The following PCDHGB5 variants were observed in gnomAD, a reference collection of about 807,000 sequenced individuals.
The protein encoded by PCDHGB5 is protocadherin gamma-B5.
PCDHGB5 carries 48 observed loss-of-function variants against 62.9 expected under a neutral mutation model. The observed-to-expected ratio is 0.76, with a 90% CI of 0.61 to 0.97. PCDHGB5 has a LOEUF of 0.97. Ranked by LOEUF, PCDHGB5 falls within the 50% of genes least tolerant of loss-of-function variation. The pLI is 0.00. For synonymous variants in PCDHGB5, 474 were observed against 511.2 expected (o/e 0.93, Z 0.98); for missense variants, 1,118 against 1,198.6 (o/e 0.93, Z 0.99).
At chr5:141,433,866 T>C (rs1191114798) in intron 1 of PCDHGB5, among the ~76,000 whole-genome samples, 1 of 151,870 alleles carries the variant, frequency 6.6e-6, no homozygotes, top group African/African-American at 2.4e-5. Context: ...CTTTATCCTC[T>C]AGTTTCATCC....
At position 141,432,299 on chromosome 5, in the gene PCDHGB5, C is replaced by G; in HGVS notation, c.2397+31775C>G. ...GTCCATCAACTCCGACACTGGGGTA[C>G]TGTATGCGCTGAGCTCCTTCGACTA... is the stretch of plus-strand genomic sequence containing the variant. On this transcript the variant is annotated intron_variant, in intron 1 of 3. Transcript: ENST00000617380. This position sits in a 1 kb window ranked among gnomAD's most constrained non-coding sequence, Gnocchi z 6.0. The G allele has an allele frequency of 2.5e-6, 4 of 1,614,278 alleles. No homozygotes were observed. The highest frequency in any genetic ancestry group is 3.4e-6 in the Non-Finnish European group (4 of 1,180,056).
chr5:141,498,230 C>T (rs2099782452), intron 2 of PCDHGB5, among the ~76,000 whole-genome samples: 1 of 152,200 alleles, frequency 6.6e-6, no homozygotes, highest in African/African-American at 2.4e-5. Flanking sequence ...GATGGTCAGG[C>T]ATACCAGCTT....
intron 1 of PCDHGB5, chr5:141,427,261 C>A (rs903526432): frequency 1.5e-5 from 7 of 456,556 alleles, no homozygotes; most frequent in African/African-American, 4.0e-5. Flanking sequence ...GGAGGCATGA[C>A]CAGCGAATGT....
intron 1 of PCDHGB5, among the ~76,000 whole-genome samples, chr5:141,480,290 C>T (rs1053173416): frequency 2.2e-5 from 3 of 134,088 alleles, no homozygotes; most frequent in Non-Finnish European, 4.7e-5. Flanking sequence ...TGGCATGCAC[C>T]TGTGGTACCA....
intron 1 of PCDHGB5, chr5:141,441,078 G>T (rs1443239760): frequency 2.0e-5 from 3 of 152,140 alleles, no homozygotes; most frequent in Non-Finnish European, 4.4e-5. Context: ...CCATGGTTTT[G>T]GTAGCAAGTG....
rs370242892 is a variant in PCDHGB5 at position 141,420,225 on chromosome 5, C to A, written c.2397+19701C>A. On this transcript the variant is annotated intron_variant, in intron 1 of 3. Coordinates refer to ENST00000617380, the MANE Select transcript of PCDHGB5 (RefSeq NM_018925.3). ...CTCAACAAAGATAGCATGCTACTGGCTAGCATTTTAACTCCCAGCGTTGAA... is the reference window on the plus strand; with the variant it reads ...CTCAACAAAGATAGCATGCTACTGGATAGCATTTTAACTCCCAGCGTTGAA... 13 of 1,603,470 alleles carry A rather than the reference C, an allele frequency of 8.1e-6. No homozygotes were observed. In the African/African-American group the frequency reaches 1.7e-4, roughly 21 times the overall value.
chr5:141,458,386 G>T (rs1037969327), intron 1 of PCDHGB5, among the ~76,000 whole-genome samples: 2 of 152,070 alleles, frequency 1.3e-5, no homozygotes, highest in African/African-American at 2.4e-5. Flanking sequence ...GAAGGAAGAC[G>T]CTCCCCCTTG....
chr5:141,481,934 AAT>A (rs1245984926), intron 1 of PCDHGB5, among the ~76,000 whole-genome samples: 5 of 147,494 alleles, frequency 3.4e-5, no homozygotes, highest in Admixed American at 3.4e-4. Flanking sequence ...AAAAAAAAAA[AAT>A]CAGCCAGATG....
intron 1 of PCDHGB5, chr5:141,478,354 C>T (rs141625672): frequency 1.2e-6 from 2 of 1,613,778 alleles, no homozygotes; most frequent in Non-Finnish European, 8.5e-7. Context: ...ACGCGGACGC[C>T]GTGCGGGGAG....
At chr5:141,500,509 G>A (rs1048476645) in intron 2 of PCDHGB5, among the ~76,000 whole-genome samples, 19 of 152,100 alleles carry the variant, frequency 1.2e-4, no homozygotes, top group South Asian at 4.2e-4. Context: ...GCGCCTGGCC[G>A]AGCTTCATTT....
intron 1 of PCDHGB5, among the ~76,000 whole-genome samples, chr5:141,451,430 T>C (rs1441183396): frequency 2.0e-5 from 3 of 152,240 alleles, no homozygotes; most frequent in Non-Finnish European, 4.4e-5. Context: ...AGACTAAGGG[T>C]TCCAGTTCCT....
At chr5:141,469,543 C>T (rs1031152008) in intron 1 of PCDHGB5, among the ~76,000 whole-genome samples, 1 of 152,040 alleles carries the variant, frequency 6.6e-6, no homozygotes, top group Non-Finnish European at 1.5e-5. Context: ...CCACTGCACT[C>T]CAGCCTGGCG....
chr5:141,450,454 G>A (rs144071286), intron 1 of PCDHGB5, among the ~76,000 whole-genome samples: 3,498 of 151,958 alleles, frequency 0.023, 60 homozygotes, highest in Middle Eastern at 0.051. Flanking sequence ...ATGTTTCCTC[G>A]TGATTTTATA....
At position 141,489,257 on chromosome 5, in the gene PCDHGB5, T is replaced by TC. The variant is rs773157586; in HGVS notation, c.2398-5547dup. The stretch of plus-strand genomic sequence containing the variant: ...TTCTGGGTCATGGGGCCCAAGACAC[T>TC]CCCACAGCTCGCTGGGAAATGGCAA... On this transcript the variant is annotated intron_variant, in intron 1 of 3. Coordinates refer to ENST00000617380, the MANE Select transcript of PCDHGB5 (RefSeq NM_018925.3). The surrounding 1 kb of genome is among the most constrained non-coding windows in gnomAD (Gnocchi z 4.5). 1 of 1,550,308 alleles carries TC rather than the reference T, an allele frequency of 6.5e-7. No homozygotes were observed. Among genetic ancestry groups the TC allele is most frequent in the Non-Finnish European group, 8.7e-7 (1 of 1,148,342 alleles).
intron 1 of PCDHGB5, chr5:141,422,076 G>C (rs2096622180): frequency 1.2e-6 from 2 of 1,612,270 alleles, no homozygotes; most frequent in South Asian, 1.1e-5. Flanking sequence ...ATTCATTTCG[G>C]AACATGGAAA....
chr5:141,434,906 C>A lies in PCDHGB5; in HGVS notation c.2397+34382C>A, dbSNP rs1044434492. ...AACAATCCAGTCCCCTTCCCTCATA[C>A]CTTATTTATGTACATATATTTTATA... On this transcript the variant is annotated intron_variant, in intron 1 of 3. Coordinates refer to ENST00000617380, the MANE Select transcript of PCDHGB5 (RefSeq NM_018925.3). Among the ~76,000 whole-genome samples the A allele has an allele frequency of 2.0e-5, 3 of 151,752 alleles. No individual in the cohort carries two copies. In the South Asian group the frequency reaches 6.2e-4, roughly 32 times the overall value.
intron 1 of PCDHGB5, among the ~76,000 whole-genome samples, chr5:141,462,990 A>T (rs181384059): frequency 1.8e-3 from 278 of 152,244 alleles, no homozygotes; most frequent in Non-Finnish European, 3.4e-3. Context: ...GCCTTGGGCT[A>T]ATTTAGACCT....
chr5:141,448,464 T>C lies in PCDHGB5; in HGVS notation c.2398-46343T>C, dbSNP rs186054602. Among the ~76,000 whole-genome samples the C allele has an allele frequency of 2.6e-3, 402 of 152,296 alleles. 10 individuals are homozygous for C. The highest frequency in any genetic ancestry group is 0.023 in the Admixed American group (357 of 15,282). ...CTGACTTCCATCCCTATCCTACTCCTATTCCACCCTTGCTTCCTCCTGTCC... is the reference window on the plus strand; with the variant it reads ...CTGACTTCCATCCCTATCCTACTCCCATTCCACCCTTGCTTCCTCCTGTCC... On this transcript the variant is annotated intron_variant, in intron 1 of 3. Transcript: ENST00000617380.
chr5:141,477,223 T>C lies in PCDHGB5; in HGVS notation c.2398-17584T>C. The C allele has an allele frequency of 6.2e-7, 1 of 1,614,198 alleles. No homozygotes were observed. On this transcript the variant is annotated intron_variant, in intron 1 of 3. Coordinates refer to ENST00000617380, the MANE Select transcript of PCDHGB5 (RefSeq NM_018925.3). This position sits in a 1 kb window ranked among gnomAD's most constrained non-coding sequence, Gnocchi z 4.9. ...TACCCGAGGATGCCCCTCTGGGGAC[T>C]GTCATCGCTTTGCTCAGTGTGACTG... is the stretch of plus-strand genomic sequence containing the variant.
Sources: allele counts gnomAD v4.1 joint callset (sites outside exome capture counted in the v4.1 genomes callset), GRCh38; gene constraint gnomAD v4.1.1; non-coding constraint Gnocchi (gnomAD v3.1); transcripts MANE v1.5; gene names NCBI Gene and HGNC (gene_info 2026-07-23, HGNC 2026-07-21).